Variants in HHLA2 observed in about 807,000 individuals in gnomAD.
The protein encoded by HHLA2 is HHLA2 member of B7 family, also known as HERV-H LTR-associating protein 2.
In HHLA2, 48 loss-of-function variants were observed where a neutral mutation model predicts 45.9. That is an observed-to-expected ratio of 1.05 (90% confidence interval 0.83 to 1.33). HHLA2 has a LOEUF of 1.33. Among genes scored for constraint, HHLA2 ranks in the 40% most tolerant of loss-of-function variants. HHLA2 has a pLI of 0.00. For synonymous variants in HHLA2, 161 were observed against 173.9 expected, an observed-to-expected ratio of 0.93 and a Z score of 0.59; for missense variants, 462 against 494.3, an observed-to-expected ratio of 0.93 and a Z score of 0.62.
chr3:108,304,952 C>T (rs979318869), intron 1 of HHLA2, among the ~76,000 whole-genome samples: 1 of 152,170 alleles, frequency 6.6e-6, no homozygotes, highest in Non-Finnish European at 1.5e-5. Flanking sequence ...ACTTTGCATC[C>T]TTGCCTTATA....
chr3:108,375,511 C>T (rs1280341104), intron 8 of HHLA2, among the ~76,000 whole-genome samples: 1 of 151,534 alleles, frequency 6.6e-6, no homozygotes, highest in Non-Finnish European at 1.5e-5. Flanking sequence ...ATAAATTGTA[C>T]ATCAAGTAAA....
chr3:108,356,271 C>A (rs548499533), intron 6 of HHLA2, among the ~76,000 whole-genome samples: 4 of 152,192 alleles, frequency 2.6e-5, no homozygotes, highest in Non-Finnish European at 5.9e-5. Flanking sequence ...ACCTCGTGAT[C>A]CACCCATATC....
At chr3:108,358,601 A>G (rs999108962) in intron 7 of HHLA2, among the ~76,000 whole-genome samples, 6 of 152,216 alleles carry the variant, frequency 3.9e-5, no homozygotes, top group Non-Finnish European at 7.3e-5. Flanking sequence ...ACCACACAAT[A>G]TTTGAAGCAC....
chr3:108,323,653 T>G (rs1405144014), intron 2 of HHLA2, among the ~76,000 whole-genome samples: 3 of 152,196 alleles, frequency 2.0e-5, no homozygotes, highest in African/African-American at 7.2e-5. Flanking sequence ...ATTCATATTA[T>G]TGGATTCTGG....
intron 3 of HHLA2, among the ~76,000 whole-genome samples, chr3:108,342,030 C>G (rs1277206185): frequency 1.3e-5 from 2 of 152,144 alleles, no homozygotes; most frequent in Non-Finnish European, 2.9e-5. Flanking sequence ...ACATGCTCAT[C>G]TCATTTACCT....
chr3:108,306,878 CAG>C (rs2080939214), intron 1 of HHLA2, among the ~76,000 whole-genome samples: 2 of 151,812 alleles, frequency 1.3e-5, no homozygotes, highest in Non-Finnish European at 2.9e-5. Flanking sequence ...TTTTTTGAGA[CAG>C]AGTCTCGCTC....
chr3:108,301,614 T>C (rs1203293763), intron 1 of HHLA2, among the ~76,000 whole-genome samples: 4 of 151,992 alleles, frequency 2.6e-5, no homozygotes. Context: ...CGTAGGCTAA[T>C]TTGAGAGACT....
chr3:108,299,175 A>G (rs2080810827), intron 1 of HHLA2, among the ~76,000 whole-genome samples: 1 of 152,140 alleles, frequency 6.6e-6, no homozygotes, highest in Non-Finnish European at 1.5e-5. Flanking sequence ...TAATATTTCT[A>G]TTTCCAAATT....
At chr3:108,335,910 C>A (rs1316504942) in intron 3 of HHLA2, among the ~76,000 whole-genome samples, 1 of 151,908 alleles carries the variant, frequency 6.6e-6, no homozygotes, top group Non-Finnish European at 1.5e-5. Flanking sequence ...ACCTTAGAGA[C>A]CAGCCCACAT....
In HHLA2 at chr3:108,340,931, CCTTCCTTCCTTCCTTCCTTT is replaced by C. The variant is rs2081560167; in HGVS notation, c.-26-10853_-26-10834del. Reference sequence around the variant, plus strand: ...TTTTTCCTTCCTTCCTTCCTTCCTTCCTTCCTTCCTTCCTTCCTTTCTTTCTTTCTTTTCTTTCTTTCATG... The same window carrying C: ...TTTTTCCTTCCTTCCTTCCTTCCTTCCTTTCTTTCTTTTCTTTCTTTCATG... On this transcript the variant is annotated intron_variant, in intron 3 of 10. Transcript: ENST00000619531. Among the ~76,000 whole-genome samples, 46 of 110,810 alleles carry C rather than the reference CCTTCCTTCCTTCCTTCCTTT, an allele frequency of 4.2e-4. 1 individual carries two copies. Among genetic ancestry groups the C allele is most frequent in the South Asian group, 9.8e-4 (3 of 3,072 alleles). 72.7% of individuals were successfully genotyped at this position (110,810 alleles called of 152,430 possible).
Position 108,313,853 on chromosome 3 carries a change from C to T in HHLA2, c.-105+3112C>T, listed in dbSNP as rs2081060609. Among the ~76,000 whole-genome samples the T allele has an allele frequency of 2.0e-5, 3 of 152,150 alleles. No homozygotes were observed. In the South Asian group the frequency reaches 6.2e-4, roughly 32 times the overall value. On this transcript the variant is annotated intron_variant, in intron 2 of 10. Coordinates refer to ENST00000619531, the Ensembl canonical transcript of HHLA2. Reference sequence around the variant, plus strand: ...AGTCCTAACTTACTAGCGTGGAAATCGAAGCTAAGAGTGTTCAGGAACTGA... The same window carrying T: ...AGTCCTAACTTACTAGCGTGGAAATTGAAGCTAAGAGTGTTCAGGAACTGA...
intron 3 of HHLA2, among the ~76,000 whole-genome samples, chr3:108,344,098 T>C (rs1020457876): frequency 1.3e-5 from 2 of 152,184 alleles, no homozygotes; most frequent in East Asian, 1.9e-4. Flanking sequence ...TTATACACTT[T>C]GAATGTTTTA....
At chr3:108,301,674 T>A (rs4586814) in intron 1 of HHLA2, among the ~76,000 whole-genome samples, 135 of 152,320 alleles carry the variant, frequency 8.9e-4, no homozygotes, top group African/African-American at 3.1e-3. Flanking sequence ...CGTGGTAGTT[T>A]TAATCTGCTT....
chr3:108,310,523 T>C (rs1321237989), intron 1 of HHLA2, 132 bp from the exon 2 acceptor site: 1 of 152,648 alleles, frequency 6.6e-6, no homozygotes, highest in African/African-American at 2.4e-5. Context: ...GAAATGTTCA[T>C]AGTATAATGA....
intron 2 of HHLA2, among the ~76,000 whole-genome samples, chr3:108,312,452 A>T (rs1337084571): frequency 6.6e-6 from 1 of 152,242 alleles, no homozygotes; most frequent in Non-Finnish European, 1.5e-5. Context: ...TTTTCTAGGC[A>T]GGTGCACCCA....
intron 3 of HHLA2, among the ~76,000 whole-genome samples, chr3:108,345,137 G>C (rs936260): frequency 0.68 from 102,924 of 152,134 alleles, 35,711 homozygotes; most frequent in African/African-American, 0.77. Flanking sequence ...GATTGAGAAG[G>C]AGGATGACAC....
chr3:108,342,857 C>T (rs970313537), intron 3 of HHLA2, among the ~76,000 whole-genome samples: 1 of 152,192 alleles, frequency 6.6e-6, no homozygotes, highest in Non-Finnish European at 1.5e-5. Context: ...TTTGAGAGGT[C>T]TTCCTTAACA....
intron 3 of HHLA2, among the ~76,000 whole-genome samples, chr3:108,344,620 T>C (rs1000802328): frequency 1.3e-5 from 2 of 152,202 alleles, no homozygotes; most frequent in Admixed American, 6.5e-5. Flanking sequence ...CATCTAGCAA[T>C]ATGTTTTACA....
At chr3:108,376,973 T>G in intron 10 of HHLA2, 1 of 398,696 alleles carries the variant, frequency 2.5e-6, no homozygotes, top group South Asian at 4.7e-5. Context: ...CTTTTAGTAT[T>G]TATGTGTTCC....
Sources: gnomAD v4.1 joint callset for allele counts (sites outside exome capture counted in the v4.1 genomes callset) on GRCh38, gnomAD v4.1.1 for gene constraint, MANE v1.5 for transcripts, NCBI Gene and HGNC (gene_info 2026-07-23, HGNC 2026-07-21) for gene names.